DPP6: variants seen among roughly 807,000 people sequenced by gnomAD.
DPP6 encodes the protein dipeptidyl peptidase like 6, also known as A-type potassium channel modulatory protein DPP6.
In DPP6, 69 loss-of-function variants were observed where a neutral mutation model predicts 122.6. That is an observed-to-expected ratio of 0.56 (90% CI 0.46 to 0.69). The LOEUF (loss-of-function observed/expected upper bound fraction) is 0.69. Among genes scored for constraint, DPP6 ranks in the 30% least tolerant of loss-of-function variants. The pLI is 0.00. For synonymous variants in DPP6, 418 were observed against 433.1 expected (o/e 0.97, Z 0.43); for missense variants, 928 against 1,116.9 (o/e 0.83, Z 2.41).
At chr7:154,198,200 TAGAC>T (rs908571482) in intron 1 of DPP6, among the ~76,000 whole-genome samples, 4 of 152,192 alleles carry the variant, frequency 2.6e-5, no homozygotes, top group African/African-American at 9.6e-5. Context: ...TCCAGGTACA[TAGAC>T]AGGGTTGCCT....
At chr7:154,206,506 G>T (rs114743443) in intron 1 of DPP6, among the ~76,000 whole-genome samples, 1,524 of 152,260 alleles carry the variant, frequency 0.01, 27 homozygotes, top group African/African-American at 0.035. Flanking sequence ...ACCTTTTCAC[G>T]TACCTGAGAA....
intron 5 of DPP6, among the ~76,000 whole-genome samples, chr7:154,625,932 A>G (rs1835040133): frequency 6.6e-6 from 1 of 152,246 alleles, no homozygotes; most frequent in African/African-American, 2.4e-5. Context: ...TGTATTCTGG[A>G]GCAGAATTAC....
chr7:153,855,187 A>T, the DPP6 span, among the ~76,000 whole-genome samples: 1 of 151,164 alleles, frequency 6.6e-6, no homozygotes, highest in East Asian at 2.0e-4. Flanking sequence ...ATGTATACAT[A>T]TGTAACTAAC....
chr7:154,560,412 C>G (rs950516415), intron 4 of DPP6, among the ~76,000 whole-genome samples: 3 of 152,134 alleles, frequency 2.0e-5, no homozygotes. Context: ...AATAATAAAT[C>G]TGATCTAATA....
At chr7:154,067,535 C>A (rs1230623406) in intron 1 of DPP6, among the ~76,000 whole-genome samples, 1 of 152,092 alleles carries the variant, frequency 6.6e-6, no homozygotes, top group Non-Finnish European at 1.5e-5. Flanking sequence ...GCATGTGGGG[C>A]AAAGCCATTC....
chr7:154,279,035 AT>A (rs1804328642), intron 1 of DPP6, among the ~76,000 whole-genome samples: 1 of 142,552 alleles, frequency 7.0e-6, no homozygotes. Flanking sequence ...TGGTATGTGT[AT>A]GTATGGGCAT....
At chr7:154,589,165 C>T (rs759011732) in intron 5 of DPP6, among the ~76,000 whole-genome samples, 9 of 152,206 alleles carry the variant, frequency 5.9e-5, no homozygotes, top group African/African-American at 1.4e-4. Context: ...TGCCTCCTAA[C>T]GCTGCCCTCC....
intron 1 of DPP6, among the ~76,000 whole-genome samples, chr7:153,914,012 G>T (rs1012074983): frequency 1.3e-5 from 2 of 152,180 alleles, no homozygotes; most frequent in African/African-American, 4.8e-5. Context: ...CTTATTTGGT[G>T]ATAACGGTTT....
chr7:154,203,262 G>T (rs967493053), intron 1 of DPP6, among the ~76,000 whole-genome samples: 3 of 152,152 alleles, frequency 2.0e-5, no homozygotes, highest in Non-Finnish European at 4.4e-5. Context: ...GCAAATACAG[G>T]TGGGTAGTGG....
chr7:154,635,716 C>T (rs1324814703), intron 5 of DPP6, among the ~76,000 whole-genome samples: 1 of 152,138 alleles, frequency 6.6e-6, no homozygotes, highest in African/African-American at 2.4e-5. Context: ...GCCAGGGTTG[C>T]AGTCATCCGA....
chr7:154,277,436 A>C (rs777949170), intron 1 of DPP6, among the ~76,000 whole-genome samples: 3 of 152,230 alleles, frequency 2.0e-5, no homozygotes, highest in Non-Finnish European at 4.4e-5. Context: ...TAGCTTGGGA[A>C]GATCTGCCTG....
chr7:153,804,489 G>A, the DPP6 span, among the ~76,000 whole-genome samples: 1 of 152,182 alleles, frequency 6.6e-6, no homozygotes, highest in Non-Finnish European at 1.5e-5. Context: ...AGGGAAAGGT[G>A]ATGATATTGT....
At chr7:154,063,115 AGGGGG>A (rs1411143551) in intron 1 of DPP6, among the ~76,000 whole-genome samples, 20 of 104,134 alleles carry the variant, frequency 1.9e-4, no homozygotes, top group East Asian at 5.9e-4. Context: ...CCCCCATCGC[AGGGGG>A]GGAGGCACCC....
At chr7:154,514,949 G>T (rs1246162257) in intron 3 of DPP6, among the ~76,000 whole-genome samples, 2 of 152,250 alleles carry the variant, frequency 1.3e-5, no homozygotes, top group East Asian at 3.9e-4. Flanking sequence ...GTTTAATCTT[G>T]AGGAACTGTC....
At chr7:154,856,883 C>G (rs1276373670) in intron 17 of DPP6, among the ~76,000 whole-genome samples, 2 of 152,238 alleles carry the variant, frequency 1.3e-5, no homozygotes, top group Non-Finnish European at 2.9e-5. Flanking sequence ...GCGTTACATG[C>G]CTGTACTCCC....
chr7:154,333,022 C>T (rs1293212123), intron 1 of DPP6, among the ~76,000 whole-genome samples: 6 of 152,156 alleles, frequency 3.9e-5, no homozygotes, highest in Non-Finnish European at 5.9e-5. Flanking sequence ...GAGGAAATGC[C>T]TGTGATGGAG....
intron 5 of DPP6, among the ~76,000 whole-genome samples, chr7:154,580,337 T>C (rs559580367): frequency 6.6e-6 from 1 of 152,274 alleles, no homozygotes; most frequent in Non-Finnish European, 1.5e-5. Context: ...TTTTTCTCTC[T>C]TAAGAAGTCT....
At chr7:154,660,715 TATTCATATA>T in intron 6 of DPP6, among the ~76,000 whole-genome samples, 2 of 94,138 alleles carry the variant, frequency 2.1e-5, no homozygotes, top group South Asian at 1.0e-3. Flanking sequence ...TTGGCGCTAG[TATTCATATA>T]GTCATGGTGA....
chr7:154,066,532 C>T (rs1019348052), intron 1 of DPP6, among the ~76,000 whole-genome samples: 8 of 152,078 alleles, frequency 5.3e-5, no homozygotes, highest in Non-Finnish European at 8.8e-5. Flanking sequence ...ACTGCCATTG[C>T]GAATGGAGTG....
Sources: allele counts gnomAD v4.1 joint callset (sites outside exome capture counted in the v4.1 genomes callset), GRCh38; gene constraint gnomAD v4.1.1; transcripts MANE v1.5; gene names NCBI Gene and HGNC (gene_info 2026-07-23, HGNC 2026-07-21).